TBC1D5: variants seen among roughly 807,000 people sequenced by gnomAD.
TBC1D5 encodes the protein TBC1 domain family member 5.
A neutral mutation model predicts 100.3 loss-of-function variants in TBC1D5; 75 were observed. That is an observed-to-expected ratio of 0.75 (90% CI 0.62 to 0.91). The LOEUF is 0.91. TBC1D5 is among the 40% of genes least tolerant of loss of function. The pLI is 0.00. For synonymous variants in TBC1D5, 323 were observed against 325.6 expected (o/e 0.99, Z 0.09); for missense variants, 910 against 942.4 (o/e 0.97, Z 0.45).
At chr3:17,546,867 T>G (rs2096421353) in intron 2 of TBC1D5, 1 of 152,168 alleles carries the variant, frequency 6.6e-6, no homozygotes, top group Admixed American at 6.5e-5. Context: ...GTAAATAAAT[T>G]TCACATCTTC....
At chr3:17,251,776 G>C (rs879761808) in intron 16 of TBC1D5, among the ~76,000 whole-genome samples, 1 of 152,090 alleles carries the variant, frequency 6.6e-6, no homozygotes, top group Non-Finnish European at 1.5e-5. Flanking sequence ...TTAAAAATGG[G>C]AATTGACATT....
intron 1 of TBC1D5, among the ~76,000 whole-genome samples, chr3:17,643,190 T>C (rs1198456679): frequency 2.6e-5 from 4 of 152,096 alleles, no homozygotes; most frequent in Non-Finnish European, 5.9e-5. Context: ...TTTTGTAGAA[T>C]GTGTCTCAAT....
chr3:17,166,648 T>G (rs373837554), intron 21 of TBC1D5, 119 bp downstream of exon 22: 2 of 1,403,658 alleles, frequency 1.4e-6, no homozygotes, highest in East Asian at 2.3e-5. Context: ...ACCTCCGCAG[T>G]TGAACTTCAT....
intron 20 of TBC1D5, 104 bp downstream of exon 21, chr3:17,167,645 G>T: frequency 1.0e-6 from 1 of 992,336 alleles, no homozygotes; most frequent in Non-Finnish European, 1.6e-6. Context: ...AGGAAATGAG[G>T]GTTAGGGGGA....
chr3:17,342,582 G>A (rs1486280558), intron 13 of TBC1D5, among the ~76,000 whole-genome samples: 1 of 152,070 alleles, frequency 6.6e-6, no homozygotes, highest in Non-Finnish European at 1.5e-5. Context: ...TAATGTCAAG[G>A]CTGACTATTA....
At chr3:17,342,749 A>G (rs2089204636) in intron 13 of TBC1D5, among the ~76,000 whole-genome samples, 1 of 152,222 alleles carries the variant, frequency 6.6e-6, no homozygotes, top group African/African-American at 2.4e-5. Context: ...TTATGCACAT[A>G]TAATATATAA....
chr3:17,591,916 C>T (rs753511050), intron 2 of TBC1D5, among the ~76,000 whole-genome samples: 1 of 152,218 alleles, frequency 6.6e-6, no homozygotes, highest in Non-Finnish European at 1.5e-5. Flanking sequence ...CCCCATTCAA[C>T]TCTCCTATTT....
At position 17,557,237 on chromosome 3, in the gene TBC1D5, T is replaced by G. The variant is rs1028658207; in HGVS notation, c.-35-48632A>C. Among the ~76,000 whole-genome samples, 11 of 152,110 alleles carry G rather than the reference T, an allele frequency of 7.2e-5. No homozygotes were observed. The South Asian group carries it at 1.0e-3, about 14-fold the overall frequency. The stretch of plus-strand genomic sequence containing the variant: ...TCCACGAACAATCTTAGAAACAAGA[T>G]AGCTATGAAACCTTTGGCTTTATAT... On this transcript the variant is annotated intron_variant, in intron 2 of 21. Transcript: ENST00000253692.
Position 17,428,442 on chromosome 3 carries a change from T to A in TBC1D5, c.167+8A>T. The A allele has an allele frequency of 1.7e-6, 2 of 1,146,100 alleles. No homozygotes were observed. Among genetic ancestry groups the A allele is most frequent in the Non-Finnish European group, 2.4e-6 (2 of 848,488 alleles). The allele number at this position is 1,146,100 out of a possible 1,614,324, so 71.0% of individuals were successfully genotyped here. ...ATATATATATATATATATGTATTCA[T>A]CACCTACCTATAGGAATTAAAAGTC... On this transcript the variant is annotated splice_region_variant and intron_variant, in intron 4 of 21. Coordinates refer to ENST00000253692, the Ensembl canonical transcript of TBC1D5.
intron 3 of TBC1D5, among the ~76,000 whole-genome samples, chr3:17,467,239 C>T (rs1022973925): frequency 6.7e-6 from 1 of 148,856 alleles, no homozygotes; most frequent in Non-Finnish European, 1.5e-5. Flanking sequence ...AAGCAGAATG[C>T]TAACTATTAA....
chr3:17,609,514 C>G (rs1367817784), intron 2 of TBC1D5, among the ~76,000 whole-genome samples: 2 of 152,206 alleles, frequency 1.3e-5, no homozygotes, highest in Non-Finnish European at 2.9e-5. Context: ...CAGCTTCTGA[C>G]TCTTTTTCTA....
chr3:17,172,951 CT>C (rs1054880818), intron 19 of TBC1D5, among the ~76,000 whole-genome samples: 23 of 152,096 alleles, frequency 1.5e-4, no homozygotes, highest in African/African-American at 5.6e-4. Flanking sequence ...GGCATTTAAC[CT>C]TCTTATGCCT....
At chr3:17,201,188 T>A (rs2071416650) in intron 18 of TBC1D5, among the ~76,000 whole-genome samples, 1 of 152,122 alleles carries the variant, frequency 6.6e-6, no homozygotes, top group Non-Finnish European at 1.5e-5. Flanking sequence ...ACTTAAAGCA[T>A]GCCTTTAATT....
Position 17,734,102 on chromosome 3 carries a change from G to T in TBC1D5, c.-101+5241C>A, listed in dbSNP as rs9833117. 1.1e-3 allele frequency among the ~76,000 whole-genome samples: 164 copies of T among 152,190 alleles called. 1 individual carries two copies. The highest frequency in any genetic ancestry group is 3.7e-3 in the African/African-American group (155 of 41,520). On this transcript the variant is annotated intron_variant, in intron 1 of 21. Transcript: ENST00000253692. ...AAATAATTAATGCATAGGCACGAAG[G>T]GATATTAGCTGTAATAATGTCTAGT...
chr3:17,573,199 G>A (rs373449920), intron 2 of TBC1D5, among the ~76,000 whole-genome samples: 18 of 151,908 alleles, frequency 1.2e-4, no homozygotes, highest in African/African-American at 4.1e-4. Context: ...AACCTCTCCC[G>A]CAGGTCAAAT....
At chr3:17,279,614 C>T (rs891247406) in intron 15 of TBC1D5, among the ~76,000 whole-genome samples, 2 of 152,224 alleles carry the variant, frequency 1.3e-5, no homozygotes, top group Middle Eastern at 3.2e-3. Context: ...CATGTACATA[C>T]TCCACTTACT....
chr3:17,633,164 C>T (rs2063633646), intron 1 of TBC1D5, among the ~76,000 whole-genome samples: 1 of 152,180 alleles, frequency 6.6e-6, no homozygotes, highest in East Asian at 1.9e-4. Flanking sequence ...CGGCCGTGCA[C>T]GGTGACCCAT....
intron 2 of TBC1D5, among the ~76,000 whole-genome samples, chr3:17,574,533 T>C (rs1401190470): frequency 1.3e-5 from 2 of 152,102 alleles, no homozygotes; most frequent in Non-Finnish European, 2.9e-5. Flanking sequence ...AGTTAATTCG[T>C]GGACTGTGGC....
chr3:17,726,190 T>C (rs1465994762), intron 1 of TBC1D5, among the ~76,000 whole-genome samples: 1 of 152,208 alleles, frequency 6.6e-6, no homozygotes, highest in Non-Finnish European at 1.5e-5. Flanking sequence ...TGTGCATGTG[T>C]TTTTATGATA....
Sources: allele counts gnomAD v4.1 joint callset (sites outside exome capture counted in the v4.1 genomes callset), GRCh38; gene constraint gnomAD v4.1.1; transcripts MANE v1.5; gene names NCBI Gene and HGNC (gene_info 2026-07-23, HGNC 2026-07-21).